Variants in ADCK1 observed in about 807,000 individuals in gnomAD.
ADCK1 encodes the protein aarF domain-containing protein kinase 1.
ADCK1 carries 41 observed loss-of-function variants against 52.3 expected under a neutral mutation model. The ratio of observed to expected loss-of-function variants is 0.78; its 90% CI spans 0.61 to 1.02. ADCK1 has a LOEUF of 1.02. ADCK1 is among the 50% of genes least tolerant of loss of function. ADCK1 has a pLI of 0.00. For missense variants in ADCK1, 658 were observed against 679.5 expected (o/e 0.97, Z 0.35); for synonymous variants, 250 against 274.6 (o/e 0.91, Z 0.89).
At chr14:77,904,114 T>C (rs774782711) in intron 6 of ADCK1, among the ~76,000 whole-genome samples, 12 of 152,098 alleles carry the variant, frequency 7.9e-5, no homozygotes, top group Non-Finnish European at 1.8e-4. Context: ...TGAATTCCAG[T>C]GAACCGTCTA....
At chr14:77,813,764 C>G (rs1467738013) in intron 1 of ADCK1, among the ~76,000 whole-genome samples, 1 of 151,186 alleles carries the variant, frequency 6.6e-6, no homozygotes, top group Non-Finnish European at 1.5e-5. Flanking sequence ...TCTTTGTTTT[C>G]CTGTTTTTTT....
chr14:77,821,201 A>C (rs181153091), intron 2 of ADCK1: 5 of 152,138 alleles, frequency 3.3e-5, no homozygotes, highest in Non-Finnish European at 7.3e-5. Flanking sequence ...AGGGAGGCAG[A>C]TATGGATCAG....
In ADCK1 at chr14:77,807,038, CTTTT is replaced by C. The variant is rs770430499; in HGVS notation, c.-12+6882_-12+6885del. Among the ~76,000 whole-genome samples, 6 of 99,234 alleles carry C rather than the reference CTTTT, an allele frequency of 6.0e-5. No homozygotes were observed. The South Asian group carries it at 1.1e-3, about 18-fold the overall frequency. 65.1% of individuals were successfully genotyped at this position (99,234 alleles called of 152,430 possible). On this transcript the variant is annotated intron_variant, in intron 1 of 10. Coordinates refer to ENST00000238561, the MANE Select transcript of ADCK1 (RefSeq NM_020421.4). ...CCTAAGATAGCCACTCTCTCTCTCT[CTTTT>C]TTTTTTTTTTTTTGGAGACAGAGTC...
At chr14:77,876,246 C>G (rs1241179300) in intron 4 of ADCK1, among the ~76,000 whole-genome samples, 1 of 152,196 alleles carries the variant, frequency 6.6e-6, no homozygotes, top group Non-Finnish European at 1.5e-5. Context: ...CCACCTGCCT[C>G]CCTTGGCTTG....
intron 1 of ADCK1, among the ~76,000 whole-genome samples, chr14:77,804,756 A>T (rs1027637586): frequency 6.6e-6 from 1 of 152,200 alleles, no homozygotes; most frequent in Non-Finnish European, 1.5e-5. Flanking sequence ...TCATTCGTTC[A>T]GTAAATGCTT....
intron 1 of ADCK1, among the ~76,000 whole-genome samples, chr14:77,814,902 T>TG (rs1292145153): frequency 2.0e-5 from 3 of 151,084 alleles, no homozygotes; most frequent in African/African-American, 7.3e-5. Flanking sequence ...AAAATTTTTT[T>TG]TTTTTTGAGA....
chr14:77,834,598 AAACAAAAC>A (rs771022443), intron 3 of ADCK1, among the ~76,000 whole-genome samples: 5 of 152,204 alleles, frequency 3.3e-5, no homozygotes, highest in Non-Finnish European at 5.9e-5. Flanking sequence ...AGCTATAATG[AAACAAAAC>A]AACCCCCTGG....
intron 6 of ADCK1, chr14:77,902,266 A>C (rs543967470): frequency 2.0e-5 from 3 of 152,350 alleles, no homozygotes; most frequent in Admixed American, 1.3e-4. Flanking sequence ...TGGAAGATAG[A>C]ACCCATGAAG....
chr14:77,899,598 G>T (rs540701178), intron 6 of ADCK1, among the ~76,000 whole-genome samples: 1 of 152,236 alleles, frequency 6.6e-6, no homozygotes, highest in Non-Finnish European at 1.5e-5. Context: ...GATGCTGATA[G>T]CTAACACTAC....
chr14:77,915,382 T>G (rs1228025516), intron 7 of ADCK1, among the ~76,000 whole-genome samples: 1 of 120,644 alleles, frequency 8.3e-6, no homozygotes, highest in Non-Finnish European at 1.6e-5. Flanking sequence ...GATGTTCCCC[T>G]TCCTGTGTTC....
intron 6 of ADCK1, chr14:77,900,503 C>G: frequency 2.3e-6 from 1 of 431,778 alleles, no homozygotes; most frequent in Non-Finnish European, 4.6e-6. Flanking sequence ...AGGAGAATCG[C>G]TTGGACCCAG....
At chr14:77,827,350 CAAAAAAAAAAAAA>C (rs772586548) in intron 3 of ADCK1, among the ~76,000 whole-genome samples, 966 of 72,078 alleles carry the variant, frequency 0.013, 16 homozygotes, top group African/African-American at 0.043. Flanking sequence ...GACTCTGTCT[CAAAAAAAAAAAAA>C]AAAAAAAAGA....
chr14:77,851,284 A>AT (rs1236590510), intron 3 of ADCK1, among the ~76,000 whole-genome samples: 2 of 151,720 alleles, frequency 1.3e-5, no homozygotes, highest in African/African-American at 4.8e-5. Context: ...CGCCTGGCTA[A>AT]TTTTTGTATT....
chr14:77,878,924 TC>T (rs5809855), intron 4 of ADCK1, among the ~76,000 whole-genome samples: 15 of 151,596 alleles, frequency 9.9e-5, no homozygotes, highest in South Asian at 2.1e-4. Flanking sequence ...GACTGTCCCT[TC>T]CCCCCCCACG....
intron 3 of ADCK1, among the ~76,000 whole-genome samples, chr14:77,837,153 CTTTT>C (rs148898631): frequency 3.5e-5 from 5 of 140,962 alleles, no homozygotes; most frequent in Admixed American, 7.1e-5. Flanking sequence ...CTTAAAAATT[CTTTT>C]TTTTTTTTTT....
chr14:77,933,631 C>T lies in ADCK1; in HGVS notation c.*240C>T, dbSNP rs1247606543. 1 of 502,744 alleles carries T rather than the reference C, an allele frequency of 2.0e-6. No individual in the cohort carries two copies. The highest frequency in any genetic ancestry group is 3.5e-6 in the Non-Finnish European group (1 of 282,680). The allele number at this position is 502,744 out of a possible 1,614,324, so 31.1% of individuals were successfully genotyped here. A position where few individuals can be genotyped will look rare whatever the true frequency, so the allele number is the denominator to read the frequency against. On this transcript the variant is annotated 3_prime_UTR_variant, in exon 11 of 11. Transcript: ENST00000238561. ...TTCTCCAAGAAGACTCAGCAGCCTA[C>T]ATTCCCATTCCTGGTATGTGCCATT...
At chr14:77,915,059 G>A (rs1047270066) in intron 7 of ADCK1, among the ~76,000 whole-genome samples, 3 of 152,186 alleles carry the variant, frequency 2.0e-5, no homozygotes, top group African/African-American at 7.2e-5. Context: ...CTGTCTGGCT[G>A]TCTGGTAGAA....
intron 1 of ADCK1, among the ~76,000 whole-genome samples, chr14:77,806,962 G>A (rs539017295): frequency 6.7e-6 from 1 of 150,154 alleles, no homozygotes; most frequent in East Asian, 2.0e-4. Flanking sequence ...TGATCCAGCC[G>A]TCTCAGCCTC....
rs2082314069 is a variant in ADCK1, at chr14:77,852,665, ATATATATATATAT to A, written c.220-6410_220-6398del. On this transcript the variant is annotated intron_variant, in intron 3 of 10. Transcript: ENST00000238561. ...ATTATTTCTTTAAATAAATAAATAT[ATATATATATATAT>A]ATATATATATATATATATATATATA... 8.3e-4 allele frequency among the ~76,000 whole-genome samples: 74 copies of A among 88,838 alleles called. 4 individuals are homozygous for A. Among genetic ancestry groups the A allele is most frequent in the East Asian group, 4.4e-3 (14 of 3,152 alleles). 58.3% of individuals were successfully genotyped at this position (88,838 alleles called of 152,430 possible). A position where few individuals can be genotyped will look rare whatever the true frequency, so the allele number is the denominator to read the frequency against.
Sources: gnomAD v4.1 joint callset for allele counts (sites outside exome capture counted in the v4.1 genomes callset) on GRCh38, gnomAD v4.1.1 for gene constraint, MANE v1.5 for transcripts, NCBI Gene and HGNC (gene_info 2026-07-23, HGNC 2026-07-21) for gene names.